Variants in GRID1 observed in about 807,000 individuals in gnomAD.
GRID1 encodes glutamate ionotropic receptor delta type subunit 1, also known as glutamate receptor ionotropic, delta-1.
GRID1 carries 28 observed loss-of-function variants against 98.0 expected under a neutral mutation model. The observed-to-expected ratio is 0.29, with a 90% confidence interval of 0.21 to 0.39. The LOEUF (loss-of-function observed/expected upper bound fraction) is 0.39. GRID1 is among the 10% of genes least tolerant of loss of function. The probability of loss-of-function intolerance (pLI) is 1.00; values close to 1 mark genes in which losing one functional copy is unlikely to be tolerated. For missense variants in GRID1, 1,111 were observed against 1,340.5 expected, an observed-to-expected ratio of 0.83 and a Z score of 2.67; for synonymous variants, 553 against 538.5, an observed-to-expected ratio of 1.03 and a Z score of -0.37.
At chr10:85,919,573 C>T (rs1002959481) in intron 4 of GRID1, among the ~76,000 whole-genome samples, 6 of 152,314 alleles carry the variant, frequency 3.9e-5, no homozygotes, top group African/African-American at 1.4e-4. Flanking sequence ...GGGAAGAGCC[C>T]TAAATGCTCA....
At chr10:85,830,352 T>C (rs1842856944) in intron 8 of GRID1, among the ~76,000 whole-genome samples, 1 of 151,442 alleles carries the variant, frequency 6.6e-6, no homozygotes, top group African/African-American at 2.4e-5. Context: ...AAAACTAAAA[T>C]CACTGGAAAA....
chr10:85,895,934 G>A (rs549767531), intron 5 of GRID1, among the ~76,000 whole-genome samples: 18 of 151,970 alleles, frequency 1.2e-4, no homozygotes, highest in African/African-American at 4.1e-4. Flanking sequence ...TCTCTCTGGG[G>A]GAAAAACGAA....
At chr10:86,322,375 A>G (rs1284949673) in intron 2 of GRID1, among the ~76,000 whole-genome samples, 1 of 152,194 alleles carries the variant, frequency 6.6e-6, no homozygotes, top group Non-Finnish European at 1.5e-5. Context: ...AACCTACCAC[A>G]TGCAAAGTAG....
At chr10:86,209,495 C>T (rs116923949) in intron 2 of GRID1, among the ~76,000 whole-genome samples, 129 of 152,208 alleles carry the variant, frequency 8.5e-4, no homozygotes, top group Non-Finnish European at 1.5e-3. Context: ...GAGATGGTCA[C>T]GTGAAAATAC....
intron 15 of GRID1, among the ~76,000 whole-genome samples, chr10:85,604,327 C>A (rs1444340063): frequency 6.6e-6 from 1 of 152,170 alleles, no homozygotes; most frequent in Non-Finnish European, 1.5e-5. Flanking sequence ...GGACAACTGA[C>A]AAGTCATTCC....
intron 2 of GRID1, among the ~76,000 whole-genome samples, chr10:86,251,068 T>A (rs992716062): frequency 1.3e-5 from 2 of 152,186 alleles, no homozygotes; most frequent in Non-Finnish European, 2.9e-5. Flanking sequence ...CTCTGAAACA[T>A]GTGCTGTGTC....
At chr10:86,133,391 C>A (rs1193414749) in intron 4 of GRID1, among the ~76,000 whole-genome samples, 1 of 152,190 alleles carries the variant, frequency 6.6e-6, no homozygotes, top group Non-Finnish European at 1.5e-5. Flanking sequence ...TGCTTACCAC[C>A]ACCACACACG....
intron 4 of GRID1, among the ~76,000 whole-genome samples, chr10:85,922,561 G>A (rs766390181): frequency 1.4e-4 from 22 of 152,252 alleles, no homozygotes; most frequent in African/African-American, 4.3e-4. Flanking sequence ...CATTCCCCCC[G>A]TGAAGCCCAG....
At chr10:85,741,236 G>T (rs931966724) in intron 8 of GRID1, among the ~76,000 whole-genome samples, 29 of 152,046 alleles carry the variant, frequency 1.9e-4, no homozygotes, top group African/African-American at 4.8e-5. Context: ...CTCTGCAAAA[G>T]GTTTTCTCAC....
intron 4 of GRID1, among the ~76,000 whole-genome samples, chr10:85,955,736 T>C (rs1159554745): frequency 6.6e-6 from 1 of 152,072 alleles, no homozygotes; most frequent in Non-Finnish European, 1.5e-5. Context: ...AGACAGTCAG[T>C]CAGCACCTTT....
chr10:86,227,865 G>A (rs1846379185), intron 2 of GRID1, among the ~76,000 whole-genome samples: 1 of 152,166 alleles, frequency 6.6e-6, no homozygotes. Flanking sequence ...TTAGCCCCAG[G>A]CCCTGCATGG....
At chr10:86,007,628 T>TA (rs907166419) in intron 4 of GRID1, among the ~76,000 whole-genome samples, 1 of 152,086 alleles carries the variant, frequency 6.6e-6, no homozygotes, top group Non-Finnish European at 1.5e-5. Flanking sequence ...AAAAGTCAAT[T>TA]AAAAAAATTA....
intron 4 of GRID1, among the ~76,000 whole-genome samples, chr10:85,921,763 G>T (rs901695568): frequency 6.6e-6 from 1 of 152,170 alleles, no homozygotes. Flanking sequence ...GAGGCTGAGC[G>T]CATTGGAGGA....
chr10:85,916,082 A>G lies in GRID1; in HGVS notation c.780+104T>C, dbSNP rs1841615690. 1.1e-6 allele frequency: 1 copy of G among 895,428 alleles called. No homozygotes were observed. The highest frequency in any genetic ancestry group is 1.6e-5 in the African/African-American group (1 of 61,138). 55.5% of individuals were successfully genotyped at this position (895,428 alleles called of 1,614,324 possible). On this transcript the variant is annotated intron_variant, in intron 5 of 15. Coordinates refer to ENST00000327946, the MANE Select transcript of GRID1 (RefSeq NM_017551.3). This position sits in a 1 kb window ranked among gnomAD's most constrained non-coding sequence, Gnocchi z 4.0. ...GCTAGGTGGAGCCCCAGGATTCACA[A>G]CAGCCCCCTAAGTCAGAATTGAACT...
intron 5 of GRID1, among the ~76,000 whole-genome samples, chr10:85,881,290 A>G (rs1243467839): frequency 2.6e-5 from 4 of 152,208 alleles, no homozygotes; most frequent in Admixed American, 2.6e-4. Flanking sequence ...GTTCATATGG[A>G]ACCAAAAAAG....
intron 2 of GRID1, among the ~76,000 whole-genome samples, chr10:86,244,306 G>A (rs1846686590): frequency 6.6e-6 from 1 of 152,198 alleles, no homozygotes; most frequent in Admixed American, 6.5e-5. Flanking sequence ...GGGGCCTGCT[G>A]TGTGTGCAAG....
Position 85,762,653 on chromosome 10 carries a change from C to A in GRID1, c.1234-33039G>T, listed in dbSNP as rs369802971. ...AAAGGCTGCCAGCTCCCTATCCCTA[C>A]CTGCTGACCAAAAAAGCGACAGAGG... On this transcript the variant is annotated intron_variant, in intron 8 of 15. Transcript: ENST00000327946. Among the ~76,000 whole-genome samples, 7 of 152,278 alleles carry A rather than the reference C, an allele frequency of 4.6e-5. No homozygotes were observed. The East Asian group carries it at 9.7e-4, about 21-fold the overall frequency.
At chr10:86,315,188 A>G (rs781568844) in intron 2 of GRID1, among the ~76,000 whole-genome samples, 2 of 152,192 alleles carry the variant, frequency 1.3e-5, no homozygotes, top group East Asian at 1.9e-4. Context: ...AAACAGCAAC[A>G]TGATGAAAGC....
rs570032118 is a variant in GRID1, at chr10:86,281,889, G to A, written c.236-75241C>T. On this transcript the variant is annotated intron_variant, in intron 2 of 15. Coordinates refer to ENST00000327946, the MANE Select transcript of GRID1 (RefSeq NM_017551.3). ...CTTCCTCCAGCCCACAGTTGTTCTAGGATGGGGGTAGAGCACTGCTCAGGG... is the reference window on the plus strand; with the variant it reads ...CTTCCTCCAGCCCACAGTTGTTCTAAGATGGGGGTAGAGCACTGCTCAGGG... 1.6e-3 allele frequency among the ~76,000 whole-genome samples: 238 copies of A among 152,282 alleles called. 1 individual carries two copies. Among genetic ancestry groups the A allele is most frequent in the African/African-American group, 5.5e-3 (229 of 41,562 alleles).
Sources: gnomAD v4.1 joint callset for allele counts (sites outside exome capture counted in the v4.1 genomes callset) on GRCh38, gnomAD v4.1.1 for gene constraint, Gnocchi (gnomAD v3.1) non-coding constraint, MANE v1.5 for transcripts, NCBI Gene and HGNC (gene_info 2026-07-23, HGNC 2026-07-21) for gene names.